Variants in CATSPERE observed in about 807,000 individuals in gnomAD.
CATSPERE encodes catsper channel auxiliary subunit epsilon.
A neutral mutation model predicts 114.1 loss-of-function variants in CATSPERE; 93 were observed. The observed-to-expected ratio is 0.81, with a 90% confidence interval of 0.69 to 0.97. The LOEUF (loss-of-function observed/expected upper bound fraction) is 0.97. Ranked by LOEUF, CATSPERE falls within the 50% of genes least tolerant of loss-of-function variation. The pLI is 0.00. For missense variants in CATSPERE, 1,058 were observed against 1,131.6 expected (o/e 0.93, Z 0.93); for synonymous variants, 341 against 384.1 (o/e 0.89, Z 1.31).
At position 244,474,322 on chromosome 1, in the gene CATSPERE, G is replaced by A. The variant is rs117751277; in HGVS notation, c.115-3219G>A. On this transcript the variant is annotated intron_variant, in intron 2 of 21. Coordinates refer to ENST00000366534, the MANE Select transcript of CATSPERE (RefSeq NM_001130957.2). ...ACTGGGATTATAGGCGTGAGCCACCGCACTCAGTTTACTGCTTAACAACCA... is the reference window on the plus strand; with the variant it reads ...ACTGGGATTATAGGCGTGAGCCACCACACTCAGTTTACTGCTTAACAACCA... Among the ~76,000 whole-genome samples, 174 of 152,038 alleles carry A rather than the reference G, an allele frequency of 1.1e-3. 2 individuals are homozygous for A. The East Asian group carries it at 0.02, about 17-fold the overall frequency.
chr1:244,555,806 A>G (rs577842715), intron 9 of CATSPERE, among the ~76,000 whole-genome samples: 1 of 152,338 alleles, frequency 6.6e-6, no homozygotes, highest in South Asian at 2.1e-4. Flanking sequence ...TGGAAAATAA[A>G]TCAAGAAAGC....
rs533727542 is a variant in CATSPERE, at chr1:244,573,284, G to A, written c.1950+512G>A. 1.2e-3 allele frequency among the ~76,000 whole-genome samples: 190 copies of A among 152,112 alleles called. 1 individual carries two copies. Among genetic ancestry groups the A allele is most frequent in the African/African-American group, 4.2e-3 (176 of 41,516 alleles). On this transcript the variant is annotated intron_variant, in intron 11 of 21. Coordinates refer to ENST00000366534, the MANE Select transcript of CATSPERE (RefSeq NM_001130957.2). This position sits in a 1 kb window ranked among gnomAD's most constrained non-coding sequence, Gnocchi z 4.0. ...AAATTAGCCAGGCGTCATGGCGGGTGCCTGTAGTCCCAGCTACTCGGGAGG... is the reference window on the plus strand; with the variant it reads ...AAATTAGCCAGGCGTCATGGCGGGTACCTGTAGTCCCAGCTACTCGGGAGG...
chr1:244,475,422 CAG>C (rs1327924121), intron 2 of CATSPERE, among the ~76,000 whole-genome samples: 1 of 151,320 alleles, frequency 6.6e-6, no homozygotes, highest in Non-Finnish European at 1.5e-5. Flanking sequence ...TTAGTAGAGA[CAG>C]GGTTTCACTA....
chr1:244,622,188 C>G (rs3122538), intron 20 of CATSPERE, among the ~76,000 whole-genome samples: 151,477 of 152,286 alleles, frequency 0.99, 75,345 homozygotes, highest in Middle Eastern at 1. Context: ...TAATAAAAGA[C>G]TAGGGGAAAT....
At chr1:244,534,306 T>C (rs1195556823) in intron 8 of CATSPERE, among the ~76,000 whole-genome samples, 4 of 152,126 alleles carry the variant, frequency 2.6e-5, no homozygotes, top group Non-Finnish European at 1.5e-5. Flanking sequence ...ATGTCCTTCT[T>C]GAGGTTTTGG....
Position 244,612,091 on chromosome 1 carries a change from C to A in CATSPERE, c.2490+1765C>A, listed in dbSNP as rs567108830. 1.2e-3 allele frequency among the ~76,000 whole-genome samples: 183 copies of A among 152,206 alleles called. 1 individual carries two copies. Among genetic ancestry groups the A allele is most frequent in the African/African-American group, 4.2e-3 (176 of 41,526 alleles). On this transcript the variant is annotated intron_variant, in intron 19 of 21. Coordinates refer to ENST00000366534, the MANE Select transcript of CATSPERE (RefSeq NM_001130957.2). ...GTCTAGAAAGACTCTGGAGTGCCCA[C>A]GCCAGGCCCTGCGTGTTCCATTCTA...
chr1:244,520,435 C>A lies in CATSPERE; in HGVS notation c.536+1737C>A, dbSNP rs552439690. Reference sequence around the variant, plus strand: ...TTGTTTTGGAACTTTTGTTGAAAGTCAGTTAAGAGTGAATGTGACAGTATA... The same window carrying A: ...TTGTTTTGGAACTTTTGTTGAAAGTAAGTTAAGAGTGAATGTGACAGTATA... On this transcript the variant is annotated intron_variant, in intron 8 of 21. Transcript: ENST00000366534. Among the ~76,000 whole-genome samples, 7 of 152,218 alleles carry A rather than the reference C, an allele frequency of 4.6e-5. 1 individual carries two copies. The South Asian group carries it at 1.4e-3, about 32-fold the overall frequency.
At chr1:244,624,561 GA>G (rs1672846252) in intron 20 of CATSPERE, among the ~76,000 whole-genome samples, 1 of 152,104 alleles carries the variant, frequency 6.6e-6, no homozygotes, top group South Asian at 2.1e-4. Context: ...AGCACTTTGG[GA>G]GTCACAGGCG....
chr1:244,607,335 T>C lies in CATSPERE; in HGVS notation c.2403+1541T>C, dbSNP rs1670139339. On this transcript the variant is annotated intron_variant, in intron 18 of 21. Transcript: ENST00000366534. This position sits in a 1 kb window ranked among gnomAD's most constrained non-coding sequence, Gnocchi z 4.4. ...TCTCTTCACTCTAAGTAAAACTCCA[T>C]TTGTTTGAGGCTCCTGCCATTCAGT... Among the ~76,000 whole-genome samples the C allele has an allele frequency of 6.6e-6, 1 of 152,198 alleles. No individual in the cohort carries two copies. Among genetic ancestry groups the C allele is most frequent in the Non-Finnish European group, 1.5e-5 (1 of 68,038 alleles).
chr1:244,637,700 TC>T (rs1357487142), intron 21 of CATSPERE, among the ~76,000 whole-genome samples: 1 of 152,224 alleles, frequency 6.6e-6, no homozygotes, highest in East Asian at 1.9e-4. Context: ...TGTTACTCCC[TC>T]TGGCAAATCC....
Position 244,552,470 on chromosome 1 carries a change from T to C in CATSPERE, c.685T>C (p.Leu229=). 2 of 1,614,238 alleles carry C rather than the reference T, an allele frequency of 1.2e-6. No homozygotes were observed. The highest frequency in any genetic ancestry group is 8.5e-7 in the Non-Finnish European group (1 of 1,180,044). Residue 229 remains leucine (L), a synonymous_variant, in exon 9 of 22, where the codon TTA becomes CTA. Coordinates refer to ENST00000366534, the MANE Select transcript of CATSPERE (RefSeq NM_001130957.2). Reference sequence around the variant, plus strand: ...GACCATACCTGAAATTCCTGGTTATTTACCAATCTCCTCACCACGTGGTAG... The same window carrying C: ...GACCATACCTGAAATTCCTGGTTATCTACCAATCTCCTCACCACGTGGTAG... ...LLTIPEIPGY[L]PISSPRGSQL...
chr1:244,621,060 A>AT (rs1262123672), intron 20 of CATSPERE, among the ~76,000 whole-genome samples: 232 of 58,146 alleles, frequency 4.0e-3, no homozygotes, highest in African/African-American at 0.016. Flanking sequence ...AAATATATAT[A>AT]AATATATATA....
upstream of CATSPERE, among the ~76,000 whole-genome samples, chr1:244,452,406 A>G (rs375199972): frequency 3.5e-4 from 53 of 152,390 alleles, 1 homozygote; most frequent in African/African-American, 1.2e-3. Context: ...CGCAGTACAA[A>G]CAGCATAAAA....
At chr1:244,594,220 TGA>T (rs1484714262) in intron 17 of CATSPERE, among the ~76,000 whole-genome samples, 1 of 152,122 alleles carries the variant, frequency 6.6e-6, no homozygotes, top group East Asian at 1.9e-4. Flanking sequence ...CTCAGGAAGC[TGA>T]GAGGGGAGGA....
chr1:244,637,561 C>T (rs1266408337), intron 21 of CATSPERE, among the ~76,000 whole-genome samples: 1 of 152,174 alleles, frequency 6.6e-6, no homozygotes, highest in East Asian at 1.9e-4. Context: ...CCCACCGCAA[C>T]CCCCCTTCAC....
chr1:244,618,046 C>T (rs943875370), intron 20 of CATSPERE, among the ~76,000 whole-genome samples: 5 of 152,104 alleles, frequency 3.3e-5, no homozygotes, highest in African/African-American at 1.2e-4. Flanking sequence ...GAGCAAAATA[C>T]AGGAGGTATT....
intron 20 of CATSPERE, among the ~76,000 whole-genome samples, chr1:244,629,730 C>T (rs957691860): frequency 6.6e-6 from 1 of 151,996 alleles, no homozygotes; most frequent in Admixed American, 6.6e-5. Flanking sequence ...GTCCCTGCCT[C>T]CCAAGCTCAA....
At chr1:244,572,833 C>T (rs1221664738) in intron 11 of CATSPERE, 61 bp downstream of exon 11, 3 of 1,121,324 alleles carry the variant, frequency 2.7e-6, no homozygotes, top group Non-Finnish European at 3.6e-6. Flanking sequence ...ATAATATTAA[C>T]ATTTTTGTAA....
intron 20 of CATSPERE, among the ~76,000 whole-genome samples, chr1:244,632,672 G>A (rs1313505257): frequency 3.3e-5 from 5 of 151,468 alleles, no homozygotes; most frequent in African/African-American, 4.9e-5. Context: ...AAAGCCAATA[G>A]GGAAGATAAT....
Sources: allele counts gnomAD v4.1 joint callset (sites outside exome capture counted in the v4.1 genomes callset), GRCh38; gene constraint gnomAD v4.1.1; non-coding constraint Gnocchi (gnomAD v3.1); transcripts MANE v1.5; gene names NCBI Gene and HGNC (gene_info 2026-07-23, HGNC 2026-07-21).